Variants in NME9 observed in about 807,000 individuals in gnomAD.
The protein encoded by NME9 is NME/NM23 family member 9, also known as thioredoxin domain-containing protein 6.
NME9 carries 48 observed loss-of-function variants against 44.4 expected under a neutral mutation model. The observed-to-expected ratio is 1.08, with a 90% CI of 0.86 to 1.37. The LOEUF (loss-of-function observed/expected upper bound fraction) is 1.37, where lower values mean the gene tolerates loss of function less well. NME9 is among the 40% of genes most tolerant of loss of function. The pLI is 0.00. For missense variants in NME9, 325 were observed against 405.2 expected, an observed-to-expected ratio of 0.80 and a Z score of 1.70; for synonymous variants, 139 against 147.1, an observed-to-expected ratio of 0.94 and a Z score of 0.40.
chr3:138,279,698 A>G (rs769864527), intron 8 of NME9, among the ~76,000 whole-genome samples: 5 of 152,184 alleles, frequency 3.3e-5, no homozygotes, highest in Admixed American at 6.5e-5. Context: ...GTGTTTAACT[A>G]CAAATTCAGA....
chr3:138,298,111 A>G (rs1228592036), downstream of NME9: 1 of 152,264 alleles, frequency 6.6e-6, no homozygotes, highest in Non-Finnish European at 1.5e-5. Context: ...TGCAGTGTTC[A>G]GTCAGCAAGG....
rs767013134 is a variant in NME9, at chr3:138,319,504, C to T, written c.169G>A (p.Gly57Ser). 1.4e-5 allele frequency: 23 copies of T among 1,611,212 alleles called. No homozygotes were observed. The Admixed American group carries it at 2.0e-4, about 14-fold the overall frequency. The change falls in exon 3 of 11, where the codon GGC becomes AGC. Residue 57 changes from glycine to serine, a missense_variant. Physicochemically the swap from Gly to Ser is moderately conservative, Grantham distance 56. Transcript: ENST00000333911. ...AATGCAAAGTGCAGAAGGTCCAGGC[C>T]GACCTCGATCCTCATCTTCTGGAAG... ...SLFQKMRIEV[G>S]LDLLHFALAE...
chr3:138,279,768 T>C (rs1346641281), intron 8 of NME9, among the ~76,000 whole-genome samples: 1 of 152,250 alleles, frequency 6.6e-6, no homozygotes, highest in African/African-American at 2.4e-5. Flanking sequence ...TTTGGTATTA[T>C]GTGTCTTTCA....
chr3:138,268,083 A>C (rs955444930), intron 8 of NME9, among the ~76,000 whole-genome samples: 1 of 152,036 alleles, frequency 6.6e-6, no homozygotes, highest in Non-Finnish European at 1.5e-5. Flanking sequence ...TCTCTGCTAA[A>C]AGTACAAAAA....
At chr3:138,326,592 C>G (rs1354812596) in intron 1 of NME9, among the ~76,000 whole-genome samples, 1 of 151,850 alleles carries the variant, frequency 6.6e-6, no homozygotes, top group Non-Finnish European at 1.5e-5. Context: ...CGCTACCACA[C>G]CCGGGTAATT....
chr3:138,289,762 C>T (rs917920824), intron 8 of NME9, among the ~76,000 whole-genome samples: 3 of 152,146 alleles, frequency 2.0e-5, no homozygotes, highest in Middle Eastern at 3.4e-3. Flanking sequence ...CAGTGGGTCT[C>T]AAGGCTGGGT....
chr3:138,280,855 T>G (rs922540283), intron 8 of NME9, among the ~76,000 whole-genome samples: 1 of 151,948 alleles, frequency 6.6e-6, no homozygotes, highest in Non-Finnish European at 1.5e-5. Context: ...CTCAAACTCT[T>G]GACCTCAAGG....
chr3:138,283,092 A>G (rs1160961667), intron 8 of NME9, among the ~76,000 whole-genome samples: 1 of 152,166 alleles, frequency 6.6e-6, no homozygotes, highest in African/African-American at 2.4e-5. Flanking sequence ...TTGCTTAGCT[A>G]TTGGACTATA....
In NME9 at chr3:138,274,235, G is replaced by GTGTA. The variant is rs751110326; in HGVS notation, c.746-11650_746-11649insTACA. Among the ~76,000 whole-genome samples the GTGTA allele has an allele frequency of 1.0e-3, 120 of 118,570 alleles. 1 individual carries two copies. The highest frequency in any genetic ancestry group is 5.2e-3 in the African/African-American group (110 of 21,274). The allele number at this position is 118,570 out of a possible 152,430, so 77.8% of individuals were successfully genotyped here. Reference sequence around the variant, plus strand: ...ATGTATGTGTAATGTGTATATACATGTGTGTGTGTGTGTGTGTGTGTGTGT... The same window carrying GTGTA: ...ATGTATGTGTAATGTGTATATACATGTGTATGTGTGTGTGTGTGTGTGTGTGTGT... On this transcript the variant is annotated intron_variant, in intron 8 of 8. Coordinates refer to the NME9 transcript ENST00000317876.
At chr3:138,320,074 T>G (rs1246747071) in intron 2 of NME9, among the ~76,000 whole-genome samples, 3 of 152,206 alleles carry the variant, frequency 2.0e-5, no homozygotes, top group Non-Finnish European at 4.4e-5. Context: ...TTTATCTACT[T>G]TAGAAAAATC....
At chr3:138,320,073 T>C (rs961418551) in intron 2 of NME9, among the ~76,000 whole-genome samples, 1 of 152,230 alleles carries the variant, frequency 6.6e-6, no homozygotes, top group African/African-American at 2.4e-5. Context: ...TTTTATCTAC[T>C]TTAGAAAAAT....
rs758394985 is a variant in NME9, at chr3:138,284,561, A to G, written c.745+18946T>C. ...TGTCCCCTTTCACCGTAGGATTAGA[A>G]TGCAGGGACTGTTGCATTTTTAACT... On this transcript the variant is annotated intron_variant, in intron 8 of 8. Transcript: ENST00000317876. 8.3e-6 allele frequency: 12 copies of G among 1,441,590 alleles called. 1 individual carries two copies. The highest frequency in any genetic ancestry group is 2.3e-5 in the East Asian group (1 of 44,032). The allele number at this position is 1,441,590 out of a possible 1,614,324, so 89.3% of individuals were successfully genotyped here.
intron 8 of NME9, among the ~76,000 whole-genome samples, chr3:138,275,572 T>C (rs549357212): frequency 1.3e-5 from 2 of 151,362 alleles, no homozygotes; most frequent in African/African-American, 4.9e-5. Flanking sequence ...AAAAAAAAAA[T>C]TCATTAAGCT....
At chr3:138,289,261 G>A in intron 8 of NME9, 2 of 652,318 alleles carry the variant, frequency 3.1e-6, no homozygotes, top group South Asian at 2.0e-5. Flanking sequence ...GAGTTGCCCT[G>A]GTATGAGAAT....
downstream of NME9, among the ~76,000 whole-genome samples, chr3:138,299,523 G>A (rs1437374596): frequency 2.6e-5 from 4 of 152,054 alleles, no homozygotes; most frequent in African/African-American, 9.7e-5. Context: ...CTGGGAGTGG[G>A]CTGATATTTG....
intron 8 of NME9, among the ~76,000 whole-genome samples, chr3:138,265,892 C>A (rs112383568): frequency 1.3e-5 from 2 of 152,058 alleles, no homozygotes; most frequent in Non-Finnish European, 2.9e-5. Flanking sequence ...TGGAATAAAG[C>A]AGTAGGAGTG....
At chr3:138,291,004 G>A (rs1050420822) in intron 8 of NME9, among the ~76,000 whole-genome samples, 1 of 152,182 alleles carries the variant, frequency 6.6e-6, no homozygotes, top group Admixed American at 6.5e-5. Context: ...CTGAACACCC[G>A]TTTTGTGCCA....
At chr3:138,277,087 C>T (rs1316701114) in intron 8 of NME9, among the ~76,000 whole-genome samples, 1 of 152,068 alleles carries the variant, frequency 6.6e-6, no homozygotes, top group African/African-American at 2.4e-5. Flanking sequence ...CACATATCGA[C>T]CAATGGAACA....
At chr3:138,286,248 A>G (rs1208107030) in intron 8 of NME9, among the ~76,000 whole-genome samples, 1 of 152,116 alleles carries the variant, frequency 6.6e-6, no homozygotes, top group Non-Finnish European at 1.5e-5. Context: ...CAACCTTCAA[A>G]GCCAGACTTC....
Sources: allele counts gnomAD v4.1 joint callset (sites outside exome capture counted in the v4.1 genomes callset), GRCh38; gene constraint gnomAD v4.1.1; transcripts MANE v1.5; gene names NCBI Gene and HGNC (gene_info 2026-07-23, HGNC 2026-07-21).